PLD3: variants seen among roughly 807,000 people sequenced by gnomAD.
The protein encoded by PLD3 is 5'-3' exonuclease PLD3.
PLD3 carries 31 observed loss-of-function variants against 58.4 expected under a neutral mutation model. That is an observed-to-expected ratio of 0.53 (90% CI 0.40 to 0.72). The LOEUF is 0.72. Among genes scored for constraint, PLD3 ranks in the 30% least tolerant of loss-of-function variants. The pLI is 0.00. For synonymous variants in PLD3, 264 were observed against 273.4 expected (o/e 0.97, Z 0.34); for missense variants, 595 against 659.8 (o/e 0.90, Z 1.08).
intron 5 of PLD3, chr19:40,367,468 C>G (rs1005647235): frequency 1.7e-5 from 8 of 469,766 alleles, no homozygotes; most frequent in African/African-American, 3.8e-5. Flanking sequence ...GTAGTCCCAG[C>G]TACTCAAGAG....
chr19:40,349,699 C>T (rs1472925427), intron 1 of PLD3, among the ~76,000 whole-genome samples: 2 of 152,202 alleles, frequency 1.3e-5, no homozygotes, highest in Admixed American at 6.5e-5. Context: ...TGGCTCATGC[C>T]TGTAATCCCA....
intron 7 of PLD3, 21 bp from the exon 8 acceptor site, chr19:40,370,089 C>G (rs775366093): frequency 8.1e-6 from 13 of 1,598,650 alleles, no homozygotes; most frequent in Non-Finnish European, 1.0e-5. Context: ...GGCCCCTGAT[C>G]TCTGCCCCTG....
At chr19:40,370,315 C>T in intron 8 of PLD3, 78 bp downstream of exon 8, 2 of 1,478,616 alleles carry the variant, frequency 1.4e-6, no homozygotes, top group Non-Finnish European at 1.8e-6. Flanking sequence ...CTGCATCCCT[C>T]ACTCAATCCA....
At chr19:40,355,541 A>G (rs984413204) in intron 1 of PLD3, among the ~76,000 whole-genome samples, 1 of 148,778 alleles carries the variant, frequency 6.7e-6, no homozygotes, top group African/African-American at 2.5e-5. Context: ...CGAACTGCCA[A>G]CCTCAGATGA....
chr19:40,361,462 G>A (rs1389300452), intron 1 of PLD3, among the ~76,000 whole-genome samples: 1 of 152,102 alleles, frequency 6.6e-6, no homozygotes, highest in Admixed American at 6.6e-5. Flanking sequence ...ATCCTTCCCT[G>A]CTGGGAACCC....
chr19:40,374,889 C>G (rs1195407239), intron 10 of PLD3: 2 of 462,932 alleles, frequency 4.3e-6, no homozygotes, highest in East Asian at 4.2e-5. Context: ...GGCGTGGTGG[C>G]TCACGCCTGT....
chr19:40,377,132 GAGAGA>G (rs2079232684), intron 11 of PLD3, among the ~76,000 whole-genome samples: 1 of 125,824 alleles, frequency 7.9e-6, no homozygotes, highest in Non-Finnish European at 1.7e-5. Flanking sequence ...GGAGGGCACA[GAGAGA>G]GGGGTTAGGG....
intron 6 of PLD3, among the ~76,000 whole-genome samples, chr19:40,368,629 G>A (rs2078987407): frequency 6.6e-6 from 1 of 152,132 alleles, no homozygotes; most frequent in South Asian, 2.1e-4. Flanking sequence ...ATGGCCAAGT[G>A]TGGTGATTCA....
rs139515369 is a variant in PLD3, at chr19:40,363,575, C to T, written c.-278-2143C>T. 7.7e-3 allele frequency among the ~76,000 whole-genome samples: 1,180 copies of T among 152,270 alleles called. 21 individuals carry two copies. Among genetic ancestry groups the T allele is most frequent in the African/African-American group, 0.027 (1,128 of 41,544 alleles). On this transcript the variant is annotated intron_variant, in intron 1 of 12. Transcript: ENST00000409735. ...TCTCCCGAGTAGCTGGGATTACAAGCGCCCGCCACCACGCCCAGCTAATTT... is the reference window on the plus strand; with the variant it reads ...TCTCCCGAGTAGCTGGGATTACAAGTGCCCGCCACCACGCCCAGCTAATTT...
intron 6 of PLD3, among the ~76,000 whole-genome samples, chr19:40,369,160 A>C (rs2079003902): frequency 6.6e-6 from 1 of 151,854 alleles, no homozygotes; most frequent in Non-Finnish European, 1.5e-5. Context: ...AAACCGTATG[A>C]GCTCCCACTC....
At chr19:40,377,605 G>T (rs1015634288) in intron 11 of PLD3, among the ~76,000 whole-genome samples, 181 bp from the exon 12 acceptor site, 2 of 152,126 alleles carry the variant, frequency 1.3e-5, no homozygotes, top group Non-Finnish European at 2.9e-5. Context: ...GACCACCGGG[G>T]CCTCCCTTTC....
intron 9 of PLD3, 127 bp downstream of exon 9, chr19:40,372,000 T>C (rs947633311): frequency 1.2e-5 from 9 of 750,966 alleles, no homozygotes; most frequent in Non-Finnish European, 2.0e-5. Context: ...CCCAGCTCAT[T>C]CTGCTTGGTC....
intron 10 of PLD3, among the ~76,000 whole-genome samples, chr19:40,375,358 G>A (rs866167855): frequency 6.0e-5 from 9 of 150,128 alleles, no homozygotes; most frequent in African/African-American, 2.0e-4. Context: ...GGGATAAGAA[G>A]GATAACAACC....
intron 1 of PLD3, among the ~76,000 whole-genome samples, chr19:40,363,492 G>A (rs1351783499): frequency 3.9e-5 from 6 of 152,112 alleles, no homozygotes; most frequent in African/African-American, 1.2e-4. Context: ...GTGCAGTGGC[G>A]CAATCTCAGC....
chr19:40,374,219 C>T (rs2079136362), intron 9 of PLD3, among the ~76,000 whole-genome samples: 1 of 152,084 alleles, frequency 6.6e-6, no homozygotes, highest in African/African-American at 2.4e-5. Flanking sequence ...TGGGTTAGAG[C>T]ATAAATTCTG....
intron 9 of PLD3, 64 bp downstream of exon 9, chr19:40,371,937 C>A: frequency 7.4e-7 from 1 of 1,344,726 alleles, no homozygotes; most frequent in Non-Finnish European, 1.1e-6. Context: ...CAGCCTCCAT[C>A]TGTCCCTGTT....
chr19:40,378,191 A>T lies in PLD3; in HGVS notation c.*18A>T. On this transcript the variant is annotated 3_prime_UTR_variant, in exon 13 of 13. Coordinates refer to ENST00000409735, the MANE Select transcript of PLD3 (RefSeq NM_012268.4). ...TGCTCTGAGGCCCGATCCAGTGGGC[A>T]GGCCAAGGCCTGCTGGGCCCCCGCG... 6.3e-7 allele frequency: 1 copy of T among 1,597,188 alleles called. No homozygotes were observed. The highest frequency in any genetic ancestry group is 8.5e-7 in the Non-Finnish European group (1 of 1,171,384).
intron 1 of PLD3, among the ~76,000 whole-genome samples, chr19:40,351,304 G>A (rs1052116251): frequency 3.3e-5 from 5 of 152,088 alleles, no homozygotes; most frequent in Middle Eastern, 3.4e-3. Flanking sequence ...AGCACTTTGG[G>A]AGGCCAAGGC....
chr19:40,367,734 TCC>T lies in PLD3; in HGVS notation c.287_288del (p.Pro96GlnfsTer37). On this transcript the variant is annotated frameshift_variant, in exon 6 of 13. Transcript: ENST00000409735. LOFTEE classifies it high-confidence loss of function. ...GAAAGCATTCCTGAGGGCCTGGACTTCCCCAATGCCTCCACGGGGAACCCTTC... is the reference window on the plus strand; with the variant it reads ...GAAAGCATTCCTGAGGGCCTGGACTTCCAATGCCTCCACGGGGAACCCTTC... 6.2e-7 allele frequency: 1 copy of T among 1,613,642 alleles called. No homozygotes were observed. The highest frequency in any genetic ancestry group is 8.5e-7 in the Non-Finnish European group (1 of 1,179,786).
Sources: allele counts gnomAD v4.1 joint callset (sites outside exome capture counted in the v4.1 genomes callset), GRCh38; gene constraint gnomAD v4.1.1; transcripts MANE v1.5; gene names NCBI Gene and HGNC (gene_info 2026-07-23, HGNC 2026-07-21).